Variants in EPHA3 observed in about 807,000 individuals in gnomAD.
The protein encoded by EPHA3 is ephrin type-A receptor 3.
In EPHA3, 42 loss-of-function variants were observed where a neutral mutation model predicts 107.1. The ratio of observed to expected loss-of-function variants is 0.39; its 90% CI spans 0.31 to 0.51. The LOEUF (loss-of-function observed/expected upper bound fraction) is 0.51, where lower values mean the gene tolerates loss of function less well. Ranked by LOEUF, EPHA3 falls within the 20% of genes least tolerant of loss-of-function variation. EPHA3 has a pLI of 0.78. For missense variants in EPHA3, 1,183 were observed against 1,211.2 expected (o/e 0.98, Z 0.35); for synonymous variants, 461 against 424.8 (o/e 1.09, Z -1.05).
At chr3:89,232,926 C>A (rs189180383) in intron 3 of EPHA3, among the ~76,000 whole-genome samples, 9 of 152,250 alleles carry the variant, frequency 5.9e-5, no homozygotes, top group Admixed American at 5.9e-4. Context: ...TCTCTTTTCT[C>A]CCTGTACCTG....
intron 3 of EPHA3, among the ~76,000 whole-genome samples, chr3:89,254,464 G>A (rs1386696064): frequency 2.6e-5 from 4 of 152,126 alleles, no homozygotes; most frequent in East Asian, 1.9e-4. Flanking sequence ...AATGCTTCAG[G>A]CACCTCTGCC....
intron 3 of EPHA3, among the ~76,000 whole-genome samples, chr3:89,333,496 C>T (rs778007508): frequency 9.2e-5 from 14 of 151,992 alleles, no homozygotes; most frequent in Non-Finnish European, 1.8e-4. Context: ...GGTGTTTGCT[C>T]GATAATGCAC....
intron 3 of EPHA3, among the ~76,000 whole-genome samples, chr3:89,246,065 C>T (rs1459127434): frequency 1.3e-5 from 2 of 151,994 alleles, no homozygotes; most frequent in Admixed American, 6.6e-5. Context: ...CTCTTACGCT[C>T]AATTTAAACA....
chr3:89,346,889 G>T (rs1459163038), intron 5 of EPHA3, among the ~76,000 whole-genome samples: 2 of 146,384 alleles, frequency 1.4e-5, no homozygotes, highest in East Asian at 3.9e-4. Flanking sequence ...TTTCCCCATT[G>T]CTTGTTTTTC....
chr3:89,401,179 C>T (rs546979291), intron 7 of EPHA3, among the ~76,000 whole-genome samples: 2 of 152,256 alleles, frequency 1.3e-5, no homozygotes, highest in East Asian at 3.9e-4. Flanking sequence ...TGTTGGAGTA[C>T]ATATTTTATG....
intron 16 of EPHA3, among the ~76,000 whole-genome samples, chr3:89,473,949 T>A (rs1006667899): frequency 6.6e-6 from 1 of 152,146 alleles, no homozygotes; most frequent in Non-Finnish European, 1.5e-5. Flanking sequence ...CTTTCTTTGA[T>A]CTTTGTTAAA....
At chr3:89,116,132 G>T (rs1373275102) in intron 1 of EPHA3, among the ~76,000 whole-genome samples, 2 of 152,122 alleles carry the variant, frequency 1.3e-5, no homozygotes, top group East Asian at 3.9e-4. Context: ...AAATATCTGT[G>T]ATGACTTTTC....
chr3:89,133,684 C>G (rs879262961), intron 2 of EPHA3, among the ~76,000 whole-genome samples: 15 of 152,136 alleles, frequency 9.9e-5, no homozygotes, highest in Non-Finnish European at 1.6e-4. Context: ...TGGGCATTGT[C>G]GTGGACAAGA....
At chr3:89,172,747 T>A (rs1705237185) in intron 2 of EPHA3, among the ~76,000 whole-genome samples, 2 of 152,178 alleles carry the variant, frequency 1.3e-5, no homozygotes, top group Admixed American at 1.3e-4. Context: ...AGAAAGGTGA[T>A]CTATTCCATA....
intron 10 of EPHA3, among the ~76,000 whole-genome samples, chr3:89,416,104 T>A (rs1426251404): frequency 6.6e-6 from 1 of 151,454 alleles, no homozygotes; most frequent in African/African-American, 2.4e-5. Flanking sequence ...AAGCTAGTGT[T>A]GGAGGGAGTC....
In EPHA3 at chr3:89,350,020, C is replaced by G. The variant is rs1157591116; in HGVS notation, c.1306+7930C>G. Among the ~76,000 whole-genome samples the G allele has an allele frequency of 2.0e-5, 3 of 150,414 alleles. 1 individual carries two copies. The highest frequency in any genetic ancestry group is 7.3e-5 in the African/African-American group (3 of 41,032). On this transcript the variant is annotated intron_variant, in intron 5 of 16. Coordinates refer to ENST00000336596, the MANE Select transcript of EPHA3 (RefSeq NM_005233.6). ...CTGATGGGCTTCCCTTTGAGGGTAA[C>G]CTGACCTTTCTCTCTGGCTGCCCTT...
chr3:89,328,734 C>T (rs1707225786), intron 3 of EPHA3, among the ~76,000 whole-genome samples: 1 of 152,070 alleles, frequency 6.6e-6, no homozygotes. Flanking sequence ...ACCTTTAAGC[C>T]CTAACCTTCT....
intron 3 of EPHA3, among the ~76,000 whole-genome samples, chr3:89,255,494 C>A (rs1008276136): frequency 1.3e-5 from 2 of 152,212 alleles, no homozygotes; most frequent in African/African-American, 4.8e-5. Context: ...TCCATGGCTG[C>A]TTTCACATGA....
At chr3:89,318,695 C>T (rs986629399) in intron 3 of EPHA3, among the ~76,000 whole-genome samples, 1 of 151,806 alleles carries the variant, frequency 6.6e-6, no homozygotes, top group Non-Finnish European at 1.5e-5. Flanking sequence ...AGAACTTTTG[C>T]TTATGGAGAT....
At chr3:89,242,366 A>AAT (rs1704918452) in intron 3 of EPHA3, among the ~76,000 whole-genome samples, 1 of 152,210 alleles carries the variant, frequency 6.6e-6, no homozygotes, top group South Asian at 2.1e-4. Flanking sequence ...GTGTGAATAC[A>AAT]ATGTCCAAGT....
At chr3:89,454,184 C>A (rs183929990) in intron 15 of EPHA3, among the ~76,000 whole-genome samples, 1 of 152,064 alleles carries the variant, frequency 6.6e-6, no homozygotes, top group South Asian at 2.1e-4. Context: ...GGTGATATTG[C>A]TTGTCAATAT....
chr3:89,242,870 C>G (rs1576259144), intron 3 of EPHA3, among the ~76,000 whole-genome samples: 1 of 151,648 alleles, frequency 6.6e-6, no homozygotes, highest in Middle Eastern at 3.4e-3. Flanking sequence ...CGTCATTTAA[C>G]GTTTGGTATA....
intron 2 of EPHA3, among the ~76,000 whole-genome samples, chr3:89,188,472 CT>C (rs1705625261): frequency 6.6e-6 from 1 of 152,114 alleles, no homozygotes; most frequent in Non-Finnish European, 1.5e-5. Flanking sequence ...AAGCTCTTTC[CT>C]AGATTCTCCC....
chr3:89,342,082 A>G lies in EPHA3; in HGVS notation c.1298A>G (p.Asn433Ser). 6.2e-7 allele frequency: 1 copy of G among 1,609,846 alleles called. No individual in the cohort carries two copies. Among genetic ancestry groups the G allele is most frequent in the East Asian group, 2.2e-5 (1 of 44,806 alleles). Reference protein sequence around the residue: ...RQFAAVSITTNQAAPSPVLTI... With the variant: ...RQFAAVSITTSQAAPSPVLTI... The stretch of plus-strand genomic sequence containing the variant: ...TTTGCTGCGGTCAGCATCACAACTA[A>G]TCAGGCTGGTGAGTACATACTAGAT... Residue 433 changes from asparagine (N) to serine (S), a missense_variant, in exon 5 of 17, where the codon AAT (asparagine) becomes AGT (serine). Coordinates refer to ENST00000336596, the MANE Select transcript of EPHA3 (RefSeq NM_005233.6).
Sources: allele counts gnomAD v4.1 joint callset (sites outside exome capture counted in the v4.1 genomes callset), GRCh38; gene constraint gnomAD v4.1.1; transcripts MANE v1.5; gene names NCBI Gene and HGNC (gene_info 2026-07-23, HGNC 2026-07-21).